CFAP54: variants seen among roughly 807,000 people sequenced by gnomAD.
CFAP54 encodes cilia and flagella associated protein 54.
CFAP54 carries 290 observed loss-of-function variants against 370.4 expected under a neutral mutation model. The observed-to-expected ratio is 0.78, with a 90% confidence interval of 0.71 to 0.86. The LOEUF (loss-of-function observed/expected upper bound fraction) is 0.86, where lower values mean the gene tolerates loss of function less well. CFAP54 is among the 40% of genes least tolerant of loss of function. CFAP54 has a pLI of 0.00. For missense variants in CFAP54, 3,399 were observed against 3,528.7 expected (o/e 0.96, Z 0.93); for synonymous variants, 1,206 against 1,236.5 (o/e 0.98, Z 0.52).
intron 1 of CFAP54, among the ~76,000 whole-genome samples, chr12:96,498,963 AT>A (rs1565875100): frequency 6.6e-6 from 1 of 152,070 alleles, no homozygotes; most frequent in Non-Finnish European, 1.5e-5. Flanking sequence ...TTTTTTAAAT[AT>A]TTTTATTTAT....
At chr12:96,783,906 AAAGT>A (rs1958604618) in intron 60 of CFAP54, among the ~76,000 whole-genome samples, 1 of 152,224 alleles carries the variant, frequency 6.6e-6, no homozygotes, top group African/African-American at 2.4e-5. Flanking sequence ...AAAGAAAAGA[AAAGT>A]AAGAGTCAGA....
At chr12:96,553,632 T>C (rs1355147752) in intron 15 of CFAP54, among the ~76,000 whole-genome samples, 1 of 150,324 alleles carries the variant, frequency 6.7e-6, no homozygotes, top group Non-Finnish European at 1.5e-5. Context: ...TGGAAAAATA[T>C]GGAAAATTTG....
At chr12:96,726,452 T>C (rs1161609291) in intron 50 of CFAP54, among the ~76,000 whole-genome samples, 1 of 152,350 alleles carries the variant, frequency 6.6e-6, no homozygotes, top group East Asian at 1.9e-4. Context: ...GATTTTCTAG[T>C]TTATTTGCGT....
chr12:96,549,336 A>T (rs933172577), intron 15 of CFAP54, among the ~76,000 whole-genome samples: 4 of 152,230 alleles, frequency 2.6e-5, no homozygotes, highest in African/African-American at 4.8e-5. Flanking sequence ...GATTTCTTTT[A>T]AGGTGGCAAT....
At chr12:96,761,424 C>T (rs191776240) in intron 58 of CFAP54, among the ~76,000 whole-genome samples, 101 of 152,214 alleles carry the variant, frequency 6.6e-4, no homozygotes, top group African/African-American at 2.2e-3. Context: ...CCTGGTTAGT[C>T]GCTTGTCCTT....
chr12:96,721,198 T>TAA (rs1393150621), intron 50 of CFAP54, among the ~76,000 whole-genome samples: 1 of 152,204 alleles, frequency 6.6e-6, no homozygotes, highest in African/African-American at 2.4e-5. Flanking sequence ...GAGTGTTTTC[T>TAA]TTTTTTCTAA....
chr12:96,699,172 A>G (rs545209936), intron 45 of CFAP54, among the ~76,000 whole-genome samples: 47 of 152,330 alleles, frequency 3.1e-4, no homozygotes, highest in Middle Eastern at 3.4e-3. Flanking sequence ...TTATACTTCT[A>G]TGCAAACGAA....
chr12:96,685,168 G>A lies in CFAP54; in HGVS notation c.5944G>A (p.Glu1982Lys). Residue 1982 changes from glutamate (E) to lysine (K), a missense_variant, in exon 42 of 68, where the codon GAG (glutamate) becomes AAG (lysine). This residue lies in a region of CFAP54 where 2,796 missense variants were observed against 2,869.7 expected (regional missense o/e 0.97). Transcript: ENST00000524981. ...ACCTCCGGGTTTCAAAGACTACAGTGAGGAGTTTCTGTCAAGAGTTGGCAT... is the reference window on the plus strand; with the variant it reads ...ACCTCCGGGTTTCAAAGACTACAGTAAGGAGTTTCTGTCAAGAGTTGGCAT... ...HSPPGFKDYS[E>K]EFLSRVGIWG... The A allele has an allele frequency of 6.2e-7, 1 of 1,614,134 alleles. No individual in the cohort carries two copies. Among genetic ancestry groups the A allele is most frequent in the South Asian group, 1.1e-5 (1 of 91,084 alleles).
At chr12:96,783,707 A>G (rs1020790148) in intron 60 of CFAP54, among the ~76,000 whole-genome samples, 2 of 152,084 alleles carry the variant, frequency 1.3e-5, no homozygotes, top group Admixed American at 6.6e-5. Flanking sequence ...ACCAACATGG[A>G]GAAACGCCGT....
chr12:96,739,089 G>A (rs1188976472), intron 50 of CFAP54, among the ~76,000 whole-genome samples: 1 of 152,148 alleles, frequency 6.6e-6, no homozygotes, highest in African/African-American at 2.4e-5. Flanking sequence ...CATAACACCT[G>A]TTAAATGTGA....
At chr12:96,570,542 G>C (rs1338370796) in intron 19 of CFAP54, among the ~76,000 whole-genome samples, 2 of 152,150 alleles carry the variant, frequency 1.3e-5, no homozygotes, top group Non-Finnish European at 2.9e-5. Flanking sequence ...AGATAGCATA[G>C]TGGTTAGGAG....
At position 96,594,290 on chromosome 12, in the gene CFAP54, G is replaced by T; in HGVS notation, c.3361-1G>T. 6.6e-7 allele frequency: 1 copy of T among 1,506,762 alleles called. No individual in the cohort carries two copies. Among genetic ancestry groups the T allele is most frequent in the Non-Finnish European group, 8.9e-7 (1 of 1,127,592 alleles). The allele number at this position is 1,506,762 out of a possible 1,614,324, so 93.3% of individuals were successfully genotyped here. On this transcript the variant is annotated splice_acceptor_variant, in intron 24 of 67. Transcript: ENST00000524981. LOFTEE classifies it high-confidence loss of function. ...GAGTAACAATGCCTGTTTCTTTACA[G>T]ATTGCCAGACTGATTGAATGTGAGA...
intron 3 of CFAP54, among the ~76,000 whole-genome samples, chr12:96,505,407 T>C (rs937036412): frequency 2.0e-5 from 3 of 152,138 alleles, no homozygotes; most frequent in African/African-American, 7.2e-5. Context: ...CCACTACCCA[T>C]TGACTTTGCC....
chr12:96,589,837 C>T (rs1194391587), intron 23 of CFAP54, among the ~76,000 whole-genome samples: 1 of 152,132 alleles, frequency 6.6e-6, no homozygotes, highest in Non-Finnish European at 1.5e-5. Flanking sequence ...ACCTCTGCCT[C>T]CTGGGCTGAG....
rs1173380450 is a variant in CFAP54, at chr12:96,533,949, T to A, written c.1515T>A (p.Ala505=). The A allele has an allele frequency of 6.6e-7, 1 of 1,520,946 alleles. No individual in the cohort carries two copies. The highest frequency in any genetic ancestry group is 8.8e-7 in the Non-Finnish European group (1 of 1,142,748). 94.2% of individuals were successfully genotyped at this position (1,520,946 alleles called of 1,614,324 possible). A position where few individuals can be genotyped will look rare whatever the true frequency, so the allele number is the denominator to read the frequency against. The part of the protein sequence containing the change: ...YEEWSLFESS[A]VHLIYFLQRQ... ...AGTGGAGTTTATTTGAATCTTCTGC[T>A]GTACATCTTATTTATTTTCTCCAGG... The change falls in exon 10 of 68, where the codon GCT becomes GCA. Residue 505 remains alanine (A), a synonymous_variant. Coordinates refer to ENST00000524981, the MANE Select transcript of CFAP54 (RefSeq NM_001306084.2).
At chr12:96,609,172 G>A (rs1057178887) in intron 26 of CFAP54, among the ~76,000 whole-genome samples, 1 of 152,006 alleles carries the variant, frequency 6.6e-6, no homozygotes, top group African/African-American at 2.4e-5. Context: ...AACAGAGAGT[G>A]TTTATGTAGT....
At chr12:96,873,022 C>G (rs1960207298) in intron 67 of CFAP54, among the ~76,000 whole-genome samples, 1 of 152,158 alleles carries the variant, frequency 6.6e-6, no homozygotes, top group South Asian at 2.1e-4. Flanking sequence ...GATTAAGTGA[C>G]CCATTACAGT....
chr12:96,780,573 A>G (rs891902604), intron 60 of CFAP54, among the ~76,000 whole-genome samples: 3 of 152,164 alleles, frequency 2.0e-5, no homozygotes, highest in African/African-American at 7.2e-5. Context: ...TATTCAAGAT[A>G]GAGATAAAGG....
At chr12:96,640,658 C>T (rs927454062) in intron 32 of CFAP54, among the ~76,000 whole-genome samples, 7 of 152,178 alleles carry the variant, frequency 4.6e-5, no homozygotes, top group Non-Finnish European at 8.8e-5. Context: ...AGGCATCACT[C>T]TACCTGACTT....
Sources: allele counts gnomAD v4.1 joint callset (sites outside exome capture counted in the v4.1 genomes callset), GRCh38; gene constraint gnomAD v4.1.1; regional missense constraint gnomAD v4.1.1; transcripts MANE v1.5; gene names NCBI Gene and HGNC (gene_info 2026-07-23, HGNC 2026-07-21).